The following TGFA variants were observed in gnomAD, a reference collection of about 807,000 sequenced individuals.
TGFA encodes protransforming growth factor alpha.
In TGFA, 12 loss-of-function variants were observed where a neutral mutation model predicts 21.7. That is an observed-to-expected ratio of 0.55 (90% CI 0.35 to 0.90). TGFA has a LOEUF of 0.90. Ranked by LOEUF, TGFA falls within the 40% of genes least tolerant of loss-of-function variation. TGFA has a pLI of 0.01. For synonymous variants in TGFA, 79 were observed against 88.1 expected (o/e 0.90, Z 0.58); for missense variants, 178 against 210.8 (o/e 0.84, Z 0.96).
intron 1 of TGFA, among the ~76,000 whole-genome samples, chr2:70,515,508 G>C (rs371928248): frequency 6.6e-6 from 1 of 152,254 alleles, no homozygotes; most frequent in East Asian, 1.9e-4. Flanking sequence ...ACCCAGCTGG[G>C]GGTTGAGGGG....
chr2:70,525,762 C>T (rs1553502899), intron 1 of TGFA, among the ~76,000 whole-genome samples: 2 of 152,100 alleles, frequency 1.3e-5, no homozygotes. Context: ...CCCGCTAGCC[C>T]AGGGGTTCTT....
At chr2:70,469,173 C>T (rs1321920689) in intron 2 of TGFA, among the ~76,000 whole-genome samples, 1 of 152,118 alleles carries the variant, frequency 6.6e-6, no homozygotes, top group Non-Finnish European at 1.5e-5. Flanking sequence ...AGTTTGCCTG[C>T]CACCCCTACC....
intron 2 of TGFA, among the ~76,000 whole-genome samples, chr2:70,474,999 T>TGTGTGC (rs1553493962): frequency 2.0e-5 from 3 of 151,902 alleles, no homozygotes; most frequent in African/African-American, 7.3e-5. Context: ...TGTGTGTGTG[T>TGTGTGC]GTGTGTACTG....
intron 4 of TGFA, among the ~76,000 whole-genome samples, chr2:70,454,164 G>A (rs77711165): frequency 0.014 from 2,149 of 152,300 alleles, 22 homozygotes; most frequent in Non-Finnish European, 0.025. Context: ...CCTGGGCTAG[G>A]GTTGGAGTTA....
At chr2:70,503,465 C>A (rs1276437200) in intron 2 of TGFA, among the ~76,000 whole-genome samples, 4 of 151,068 alleles carry the variant, frequency 2.6e-5, no homozygotes, top group African/African-American at 4.9e-5. Context: ...AGGAGATATA[C>A]CTAATGTAAA....
At position 70,468,664 on chromosome 2, in the gene TGFA, G is replaced by A. The variant is rs1326588976; in HGVS notation, c.95-2928C>T. 7.2e-5 allele frequency among the ~76,000 whole-genome samples: 11 copies of A among 152,082 alleles called. 1 individual carries two copies. Among genetic ancestry groups the A allele is most frequent in the Admixed American group, 6.5e-4 (10 of 15,278 alleles). On this transcript the variant is annotated intron_variant, in intron 2 of 5. Transcript: ENST00000295400. ...AGTGGCATTAGATTCTCATAGGAGC[G>A]GGAAACCTATTGTGAACTGTGCATG...
intron 2 of TGFA, among the ~76,000 whole-genome samples, chr2:70,514,074 G>A (rs1484944130): frequency 6.6e-6 from 1 of 152,188 alleles, no homozygotes; most frequent in Admixed American, 6.5e-5. Context: ...TAAGAAACTA[G>A]AGCCACCGTA....
intron 2 of TGFA, 90 bp from the exon 3 acceptor site, chr2:70,465,826 C>G: frequency 1.3e-6 from 2 of 1,553,548 alleles, no homozygotes; most frequent in Non-Finnish European, 1.7e-6. Flanking sequence ...GAAGGTGGAG[C>G]CCCTGATGGC....
intron 2 of TGFA, among the ~76,000 whole-genome samples, chr2:70,487,105 C>T (rs1045902621): frequency 1.3e-5 from 2 of 152,176 alleles, no homozygotes; most frequent in African/African-American, 4.8e-5. Context: ...AAAAGCAATA[C>T]ATGTTTAAGA....
intron 3 of TGFA, among the ~76,000 whole-genome samples, chr2:70,458,147 C>T (rs1553490893): frequency 6.6e-6 from 1 of 152,026 alleles, no homozygotes; most frequent in African/African-American, 2.4e-5. Flanking sequence ...AACAAAATTA[C>T]ATAAAGGCAA....
intron 2 of TGFA, among the ~76,000 whole-genome samples, chr2:70,472,543 T>A (rs115725783): frequency 3.9e-5 from 6 of 152,096 alleles, no homozygotes; most frequent in African/African-American, 1.4e-4. Flanking sequence ...GGAATAGCAA[T>A]TGAGGGGCAG....
intron 2 of TGFA, among the ~76,000 whole-genome samples, chr2:70,466,833 C>T (rs1553492357): frequency 6.6e-6 from 1 of 152,148 alleles, no homozygotes; most frequent in East Asian, 1.9e-4. Flanking sequence ...ACATATACAC[C>T]ATGGAATACT....
Position 70,483,704 on chromosome 2 carries a change from T to C in TGFA, c.95-17968A>G, listed in dbSNP as rs28513292. On this transcript the variant is annotated intron_variant, in intron 2 of 5. Coordinates refer to ENST00000295400, the MANE Select transcript of TGFA (RefSeq NM_003236.4). ...TCCCAAAGATAGCCTCAGAAAACCA[T>C]TGGTTTGTGGCCAATAGCCACAACT... Among the ~76,000 whole-genome samples the C allele has an allele frequency of 4.0e-3, 609 of 152,324 alleles. 3 individuals are homozygous for C. Among genetic ancestry groups the C allele is most frequent in the African/African-American group, 0.014 (586 of 41,572 alleles).
At chr2:70,471,215 G>GTGCA (rs1255994106) in intron 2 of TGFA, among the ~76,000 whole-genome samples, 55 of 151,612 alleles carry the variant, frequency 3.6e-4, no homozygotes, top group Admixed American at 2.4e-3. Flanking sequence ...GAAGTTCAAT[G>GTGCA]TGCACCATGT....
intron 1 of TGFA, among the ~76,000 whole-genome samples, chr2:70,530,647 T>C (rs1188063587): frequency 6.6e-6 from 1 of 152,222 alleles, no homozygotes; most frequent in Non-Finnish European, 1.5e-5. Context: ...TTATAAGACA[T>C]GCATTAAATA....
intron 2 of TGFA, among the ~76,000 whole-genome samples, chr2:70,491,806 T>C (rs1241343152): frequency 6.6e-6 from 1 of 152,146 alleles, no homozygotes; most frequent in Non-Finnish European, 1.5e-5. Flanking sequence ...ATTCCATGGC[T>C]CTGTCAGTTT....
intron 3 of TGFA, among the ~76,000 whole-genome samples, chr2:70,457,873 C>A (rs1553490849): frequency 6.6e-6 from 1 of 152,144 alleles, no homozygotes; most frequent in African/African-American, 2.4e-5. Flanking sequence ...AGAGCAGCCC[C>A]ATATCATATG....
intron 2 of TGFA, among the ~76,000 whole-genome samples, chr2:70,474,969 C>CGT (rs57147767): frequency 0.11 from 16,653 of 147,528 alleles, 948 homozygotes; most frequent in Middle Eastern, 0.16. Context: ...ACACAGCAGC[C>CGT]GTGTGTGTGT....
intron 1 of TGFA, among the ~76,000 whole-genome samples, chr2:70,550,348 C>T (rs1260708756): frequency 6.6e-6 from 1 of 152,032 alleles, no homozygotes; most frequent in Non-Finnish European, 1.5e-5. Flanking sequence ...GAGGTGGGCA[C>T]AGTTTTATTA....
Sources: allele counts gnomAD v4.1 joint callset (sites outside exome capture counted in the v4.1 genomes callset), GRCh38; gene constraint gnomAD v4.1.1; transcripts MANE v1.5; gene names NCBI Gene and HGNC (gene_info 2026-07-23, HGNC 2026-07-21).